The following METTL15 variants were observed in gnomAD, a reference collection of about 807,000 sequenced individuals.
METTL15 encodes the protein methyltransferase 15, mitochondrial 12S rRNA N4-cytidine.
A neutral mutation model predicts 38.3 loss-of-function variants in METTL15; 34 were observed. That is an observed-to-expected ratio of 0.89 (90% CI 0.68 to 1.18). The LOEUF is 1.18. Ranked by LOEUF, METTL15 falls within the 50% of genes most tolerant of loss-of-function variation. The pLI, the probability that METTL15 is intolerant of heterozygous loss-of-function variation, is 0.00. For synonymous variants in METTL15, 162 were observed against 170.9 expected (o/e 0.95, Z 0.41); for missense variants, 438 against 498.4 (o/e 0.88, Z 1.15).
intron 4 of METTL15, among the ~76,000 whole-genome samples, chr11:28,264,393 GT>G (rs1439776438): frequency 6.6e-6 from 1 of 151,918 alleles, no homozygotes; most frequent in African/African-American, 2.4e-5. Flanking sequence ...GTAGTTGTCT[GT>G]TTTTTTAAAA....
intron 5 of METTL15, among the ~76,000 whole-genome samples, chr11:28,378,419 C>T (rs1326595652): frequency 1.3e-5 from 2 of 152,208 alleles, no homozygotes; most frequent in African/African-American, 2.4e-5. Context: ...ACCGATTTTC[C>T]AGGTGCCATT....
At chr11:28,466,898 G>A (rs1564939428) in intron 6 of METTL15, among the ~76,000 whole-genome samples, 2 of 152,144 alleles carry the variant, frequency 1.3e-5, no homozygotes, top group Non-Finnish European at 2.9e-5. Flanking sequence ...TGTTGGGGAG[G>A]AGGGAGTTCA....
chr11:28,269,031 T>C (rs17571754), intron 4 of METTL15, among the ~76,000 whole-genome samples: 22,766 of 152,180 alleles, frequency 0.15, 1,889 homozygotes, highest in East Asian at 0.28. Flanking sequence ...ATATAAATCA[T>C]ATTGTATCAG....
intron 4 of METTL15, among the ~76,000 whole-genome samples, chr11:28,238,445 C>G (rs2133899072): frequency 6.6e-6 from 1 of 152,320 alleles, no homozygotes; most frequent in African/African-American, 2.4e-5. Flanking sequence ...GCGCCGTTTC[C>G]TAAGCCCGTC....
chr11:28,180,498 A>G (rs1215200086), intron 3 of METTL15, among the ~76,000 whole-genome samples: 1 of 151,804 alleles, frequency 6.6e-6, no homozygotes, highest in East Asian at 1.9e-4. Flanking sequence ...GTCAATGAGA[A>G]CTATTTTTAA....
chr11:28,219,780 C>T (rs1217949068), intron 4 of METTL15, among the ~76,000 whole-genome samples: 1 of 152,104 alleles, frequency 6.6e-6, no homozygotes, highest in Admixed American at 6.5e-5. Flanking sequence ...TCGTTGGTTT[C>T]AAAGAACATC....
At chr11:28,449,577 A>G (rs193038136) in intron 6 of METTL15, among the ~76,000 whole-genome samples, 1 of 152,274 alleles carries the variant, frequency 6.6e-6, no homozygotes, top group Non-Finnish European at 1.5e-5. Context: ...CGATGGCTGC[A>G]TATTCTTTGA....
At chr11:28,516,863 A>C (rs1851723917) in intron 6 of METTL15, 2 of 152,232 alleles carry the variant, frequency 1.3e-5, no homozygotes, top group Non-Finnish European at 2.9e-5. Context: ...ATGCCCATAG[A>C]CATCTAAAGC....
intron 4 of METTL15, among the ~76,000 whole-genome samples, chr11:28,240,933 G>A (rs1854267149): frequency 6.6e-6 from 1 of 152,230 alleles, no homozygotes; most frequent in African/African-American, 2.4e-5. Flanking sequence ...TATTTAAGAA[G>A]ATTTGATTGT....
chr11:28,425,794 G>A (rs1217593000), intron 6 of METTL15, among the ~76,000 whole-genome samples: 1 of 152,160 alleles, frequency 6.6e-6, no homozygotes, highest in Non-Finnish European at 1.5e-5. Context: ...CACAGAGTCT[G>A]CCACATAAGA....
chr11:28,313,199 A>T (rs936578389), intron 6 of METTL15, among the ~76,000 whole-genome samples: 2 of 152,108 alleles, frequency 1.3e-5, no homozygotes, highest in African/African-American at 4.8e-5. Flanking sequence ...CTAATTTATA[A>T]GATTATTGTA....
chr11:28,168,449 T>C (rs1850733093), intron 3 of METTL15, among the ~76,000 whole-genome samples: 1 of 151,502 alleles, frequency 6.6e-6, no homozygotes, highest in East Asian at 1.9e-4. Context: ...GAGCAAACAA[T>C]CAGTAGTTTA....
At chr11:28,182,668 A>G (rs1390966656) in intron 3 of METTL15, among the ~76,000 whole-genome samples, 4 of 152,048 alleles carry the variant, frequency 2.6e-5, no homozygotes, top group Admixed American at 6.6e-5. Flanking sequence ...GCCTTGTGGT[A>G]TAGTTTGAAG....
chr11:28,323,463 C>T (rs964731836), intron 6 of METTL15, among the ~76,000 whole-genome samples: 3 of 152,032 alleles, frequency 2.0e-5, no homozygotes, highest in African/African-American at 7.2e-5. Context: ...TTAGAGACTG[C>T]CTTTTGTATT....
intron 6 of METTL15, among the ~76,000 whole-genome samples, chr11:28,329,113 A>G (rs1849733894): frequency 6.6e-6 from 1 of 151,958 alleles, no homozygotes; most frequent in Non-Finnish European, 1.5e-5. Context: ...TAGGTCTTTG[A>G]TCCATTTTGA....
At chr11:28,422,544 T>G (rs1850829420) in intron 5 of METTL15, among the ~76,000 whole-genome samples, 1 of 151,942 alleles carries the variant, frequency 6.6e-6, no homozygotes, top group Non-Finnish European at 1.5e-5. Flanking sequence ...TCTGTACATA[T>G]ATCTACAGTG....
chr11:28,385,009 A>C (rs1850426005), intron 5 of METTL15, among the ~76,000 whole-genome samples: 1 of 152,108 alleles, frequency 6.6e-6, no homozygotes, highest in Non-Finnish European at 1.5e-5. Flanking sequence ...TTTCTTGTAC[A>C]TTTATTTAAG....
chr11:28,436,337 T>A (rs1239159131), intron 6 of METTL15, among the ~76,000 whole-genome samples: 1 of 152,224 alleles, frequency 6.6e-6, no homozygotes, highest in African/African-American at 2.4e-5. Flanking sequence ...AGTTTGCTAT[T>A]GTGCATTATA....
intron 4 of METTL15, among the ~76,000 whole-genome samples, chr11:28,244,421 A>G (rs970892898): frequency 2.6e-5 from 4 of 152,168 alleles, no homozygotes; most frequent in Non-Finnish European, 5.9e-5. Context: ...AAGTAGTTCC[A>G]ATTTCAGCTA....
Sources: allele counts gnomAD v4.1 joint callset (sites outside exome capture counted in the v4.1 genomes callset), GRCh38; gene constraint gnomAD v4.1.1; transcripts MANE v1.5; gene names NCBI Gene and HGNC (gene_info 2026-07-23, HGNC 2026-07-21).